The following AKNA variants were observed in gnomAD, a reference collection of about 807,000 sequenced individuals.
AKNA encodes AT-hook transcription factor.
AKNA carries 67 observed loss-of-function variants against 138.8 expected under a neutral mutation model. That is an observed-to-expected ratio of 0.48 (90% CI 0.40 to 0.59). AKNA has a LOEUF of 0.59. AKNA is among the 20% of genes least tolerant of loss of function. The probability of loss-of-function intolerance (pLI) is 0.00; values close to 1 mark genes in which losing one functional copy is unlikely to be tolerated. For missense variants in AKNA, 1,813 were observed against 1,880.4 expected (o/e 0.96, Z 0.66); for synonymous variants, 737 against 754.4 (o/e 0.98, Z 0.38).
chr9:114,330,831 C>G (rs201669865), downstream of AKNA: 2 of 1,613,768 alleles, frequency 1.2e-6, no homozygotes, highest in Admixed American at 1.7e-5. Flanking sequence ...ACCTGAATGT[C>G]CAGCGGGAGA....
intron 15 of AKNA, 152 bp from the exon 16 acceptor site, chr9:114,348,052 C>G: frequency 1.2e-6 from 1 of 823,956 alleles, no homozygotes; most frequent in South Asian, 1.9e-5. Flanking sequence ...CTTTCCTGTG[C>G]GACACTTTTC....
rs759264932 is a variant in AKNA, at chr9:114,356,900, G to A, written c.2809C>T (p.Leu937Phe). The change falls in exon 13 of 22, where the codon CTC becomes TTC. Residue 937 changes from leucine (L) to phenylalanine (F), a missense_variant. Coordinates refer to ENST00000374088, the MANE Select transcript of AKNA (RefSeq NM_001317950.2). ...AGCCGGTGCTCTGGAGTCTGGGTGA[G>A]GGGTGAAACTCTGCTTGTTTCTGAG... ...VGSETSRVSP[L>F]TQTPEHRLSH... The A allele has an allele frequency of 5.1e-6, 8 of 1,569,658 alleles. No individual in the cohort carries two copies. In the Admixed American group the frequency reaches 1.2e-4, roughly 23 times the overall value.
At chr9:114,381,627 G>A (rs999281869) in intron 1 of AKNA, among the ~76,000 whole-genome samples, 181 bp from the exon 2 acceptor site, 2 of 149,084 alleles carry the variant, frequency 1.3e-5, no homozygotes. Flanking sequence ...CAATAAAGCT[G>A]GGATAATAAT....
intron 11 of AKNA, among the ~76,000 whole-genome samples, chr9:114,358,635 C>G (rs1054318729): frequency 1.3e-5 from 2 of 151,842 alleles, no homozygotes; most frequent in African/African-American, 2.4e-5. Flanking sequence ...ATGCTCTAGG[C>G]CTTGTGTGCT....
At chr9:114,376,391 C>T in intron 3 of AKNA, 75 bp downstream of exon 3, 1 of 1,502,526 alleles carries the variant, frequency 6.7e-7, no homozygotes, top group Non-Finnish European at 9.2e-7. Flanking sequence ...CTCCAGGCCT[C>T]CCCACCCCAA....
upstream of AKNA, among the ~76,000 whole-genome samples, chr9:114,391,899 A>T (rs1162611975): frequency 6.6e-6 from 1 of 151,006 alleles, no homozygotes; most frequent in Non-Finnish European, 1.5e-5. Context: ...ACAACAAAAA[A>T]AACCTCTTAC....
At chr9:114,398,237 C>T (rs113035082), upstream of AKNA, among the ~76,000 whole-genome samples, 3 of 152,354 alleles carry the variant, frequency 2.0e-5, no homozygotes, top group African/African-American at 7.2e-5. This position sits in a 1 kb window ranked among gnomAD's most constrained non-coding sequence, Gnocchi z 4.2. Context: ...GGGCTCCCTC[C>T]CATTCCCGGA....
At chr9:114,356,815 G>T in intron 13 of AKNA, 48 bp downstream of exon 13, 1 of 1,471,098 alleles carries the variant, frequency 6.8e-7, no homozygotes, top group Non-Finnish European at 9.1e-7. Context: ...TTCCCAGGCT[G>T]TCCCAGGAAT....
Position 114,381,084 on chromosome 9 carries a change from C to T in AKNA, c.250G>A (p.Glu84Lys), listed in dbSNP as rs776147288. The T allele has an allele frequency of 2.2e-5, 34 of 1,578,116 alleles. No homozygotes were observed. The highest frequency in any genetic ancestry group is 1.3e-4 in the East Asian group (6 of 44,496). The change falls in exon 2 of 22, where the codon GAG becomes AAG. Residue 84 changes from glutamate to lysine, a missense_variant. By Grantham distance (56) the Glu-to-Lys change is moderately conservative (BLOSUM62 1). Transcript: ENST00000374088. ...CCTTCTCCCGAAGTCTCTCCTGACT[C>T]GGAATCCTGATGCCCATCGGGCTGC... ...HPQPDGHQDSESGETSGEEAE... is the reference protein window; with the variant it reads ...HPQPDGHQDSKSGETSGEEAE...
intron 6 of AKNA, among the ~76,000 whole-genome samples, chr9:114,365,977 G>C (rs948522081): frequency 6.6e-6 from 1 of 152,130 alleles, no homozygotes; most frequent in Non-Finnish European, 1.5e-5. Context: ...ATGTGTCTCC[G>C]GCTACGGAAC....
At chr9:114,381,561 T>C (rs1833674659) in intron 1 of AKNA, 115 bp from the exon 2 acceptor site, 2 of 1,087,140 alleles carry the variant, frequency 1.8e-6, no homozygotes, top group African/African-American at 1.6e-5. Flanking sequence ...CTCCTGGTTG[T>C]GTCCTCCCGA....
upstream of AKNA, among the ~76,000 whole-genome samples, chr9:114,389,475 C>T (rs1589044972): frequency 6.6e-6 from 1 of 152,284 alleles, no homozygotes; most frequent in East Asian, 1.9e-4. Context: ...ATCCCAGCCC[C>T]ATCTCCTGCT....
intron 2 of AKNA, among the ~76,000 whole-genome samples, chr9:114,378,852 GATA>G (rs781041050): frequency 2.2e-4 from 33 of 152,136 alleles, no homozygotes; most frequent in Admixed American, 9.8e-4. Flanking sequence ...TGACCTCAGG[GATA>G]AGTCCAAAGT....
chr9:114,349,038 G>A, intron 15 of AKNA: 1 of 449,690 alleles, frequency 2.2e-6, no homozygotes, highest in South Asian at 1.6e-5. Context: ...GGTTCCCTTG[G>A]TAATCCCCAG....
At chr9:114,392,401 G>C (rs564104271), upstream of AKNA, among the ~76,000 whole-genome samples, 2 of 152,370 alleles carry the variant, frequency 1.3e-5, no homozygotes, top group South Asian at 2.1e-4. Context: ...GCAGAGCACA[G>C]GTGTTAAGGC....
rs1831546206 is a variant in AKNA, at chr9:114,356,980, C to T, written c.2740-11G>A. Reference sequence around the variant, plus strand: ...CGCCATCCAGGTCTCCTGAAAGAGGCAGTATCCCTTTATGTCTGAGGAATG... The same window carrying T: ...CGCCATCCAGGTCTCCTGAAAGAGGTAGTATCCCTTTATGTCTGAGGAATG... On this transcript the variant is annotated splice_polypyrimidine_tract_variant and intron_variant, in intron 12 of 21. Transcript: ENST00000374088. The T allele has an allele frequency of 1.9e-6, 3 of 1,578,488 alleles. No homozygotes were observed. The highest frequency in any genetic ancestry group is 2.3e-5 in the South Asian group (2 of 86,018).
At chr9:114,375,564 T>C (rs535189408) in intron 3 of AKNA, among the ~76,000 whole-genome samples, 2 of 152,314 alleles carry the variant, frequency 1.3e-5, no homozygotes, top group African/African-American at 4.8e-5. Context: ...CCATGGTATG[T>C]GGTTATGTTT....
chr9:114,335,491 G>C lies in AKNA; in HGVS notation c.*1563C>G, dbSNP rs1372485588. 6.6e-6 allele frequency: 1 copy of C among 152,274 alleles called. No individual in the cohort carries two copies. Among genetic ancestry groups the C allele is most frequent in the Non-Finnish European group, 1.5e-5 (1 of 68,072 alleles). The allele number at this position is 152,274 out of a possible 1,614,324, so 9.4% of individuals were successfully genotyped here. ...TGTTTGCTACTGAAAGTACTGGAAG[G>C]CTGGGCGCCATGGCTCACGCCTGTA... On this transcript the variant is annotated 3_prime_UTR_variant, in exon 22 of 22. Coordinates refer to ENST00000374088, the MANE Select transcript of AKNA (RefSeq NM_001317950.2).
At chr9:114,355,415 G>A (rs1424017711) in intron 14 of AKNA, among the ~76,000 whole-genome samples, 1 of 152,128 alleles carries the variant, frequency 6.6e-6, no homozygotes, top group Non-Finnish European at 1.5e-5. Context: ...GACCTCAGGT[G>A]ATCCACCCGC....
Sources: allele counts gnomAD v4.1 joint callset (sites outside exome capture counted in the v4.1 genomes callset), GRCh38; gene constraint gnomAD v4.1.1; non-coding constraint Gnocchi (gnomAD v3.1); transcripts MANE v1.5; gene names NCBI Gene and HGNC (gene_info 2026-07-23, HGNC 2026-07-21).